TMPRSS15: variants seen among roughly 807,000 people sequenced by gnomAD.
The protein encoded by TMPRSS15 is enteropeptidase.
Under a neutral mutation model 125.3 loss-of-function variants are expected in TMPRSS15, and 128 were observed. That is an observed-to-expected ratio of 1.02 (90% CI 0.89 to 1.18). TMPRSS15 has a LOEUF of 1.18. Ranked by LOEUF, TMPRSS15 falls within the 50% of genes most tolerant of loss-of-function variation. The pLI, the probability that TMPRSS15 is intolerant of heterozygous loss-of-function variation, is 0.00. For synonymous variants in TMPRSS15, 446 were observed against 423.2 expected, an observed-to-expected ratio of 1.05 and a Z score of -0.66; for missense variants, 1,283 against 1,212.7, an observed-to-expected ratio of 1.06 and a Z score of -0.86.
intron 13 of TMPRSS15, among the ~76,000 whole-genome samples, chr21:18,333,094 A>G (rs564074060): frequency 6.6e-6 from 1 of 152,072 alleles, no homozygotes; most frequent in South Asian, 2.1e-4. Context: ...GGCCTTTCGG[A>G]GGGTGGAGAG....
At chr21:18,304,941 G>A (rs2075014210) in intron 18 of TMPRSS15, among the ~76,000 whole-genome samples, 1 of 152,084 alleles carries the variant, frequency 6.6e-6, no homozygotes, top group Non-Finnish European at 1.5e-5. Flanking sequence ...ATATTAAAAA[G>A]TGTAAGCCGA....
intron 1 of TMPRSS15, among the ~76,000 whole-genome samples, chr21:18,455,732 A>C (rs1175721656): frequency 6.6e-6 from 1 of 152,188 alleles, no homozygotes; most frequent in East Asian, 1.9e-4. Context: ...TTAGCTATCA[A>C]CAGTGACAAT....
chr21:18,392,897 T>C (rs991536752), intron 3 of TMPRSS15, among the ~76,000 whole-genome samples: 6 of 152,028 alleles, frequency 3.9e-5, no homozygotes, highest in Non-Finnish European at 5.9e-5. Context: ...TCATCCACTA[T>C]CATAAGAACA....
intron 9 of TMPRSS15, 68 bp from the exon 10 acceptor site, chr21:18,353,120 T>C: frequency 7.2e-7 from 1 of 1,396,384 alleles, no homozygotes; most frequent in South Asian, 1.2e-5. Context: ...TATTAGATTG[T>C]ATTGAAAATA....
At chr21:18,366,739 T>C (rs2075741627) in intron 6 of TMPRSS15, among the ~76,000 whole-genome samples, 1 of 152,128 alleles carries the variant, frequency 6.6e-6, no homozygotes, top group Admixed American at 6.5e-5. Context: ...CTGCATAGAT[T>C]AAAAATTCTT....
chr21:18,278,446 G>A (rs996035921), intron 23 of TMPRSS15, among the ~76,000 whole-genome samples: 5 of 152,012 alleles, frequency 3.3e-5, no homozygotes, highest in East Asian at 1.9e-4. Flanking sequence ...TAGGCTGGGC[G>A]CGGTGGCTCA....
intron 1 of TMPRSS15, among the ~76,000 whole-genome samples, chr21:18,473,799 A>T (rs1273218549): frequency 2.0e-5 from 3 of 152,110 alleles, no homozygotes; most frequent in Non-Finnish European, 4.4e-5. Flanking sequence ...TTCATTATTA[A>T]GTAAGGAGAT....
chr21:18,402,516 A>C (rs2076104570), intron 1 of TMPRSS15, among the ~76,000 whole-genome samples: 1 of 132,498 alleles, frequency 7.5e-6, no homozygotes, highest in Admixed American at 8.5e-5. Flanking sequence ...CGACAGAGCG[A>C]GACTCTATCT....
chr21:18,362,239 C>T (rs776218168), intron 7 of TMPRSS15, among the ~76,000 whole-genome samples: 1 of 152,010 alleles, frequency 6.6e-6, no homozygotes. Flanking sequence ...GCTGGTGAGA[C>T]CTTTAGAGAA....
intron 10 of TMPRSS15, among the ~76,000 whole-genome samples, chr21:18,348,380 C>G (rs997132047): frequency 1.3e-5 from 2 of 152,102 alleles, no homozygotes; most frequent in African/African-American, 4.8e-5. Flanking sequence ...ATGTGCTGAT[C>G]TGATATAGAG....
At chr21:18,448,505 T>C (rs903243458) in intron 1 of TMPRSS15, among the ~76,000 whole-genome samples, 1 of 152,086 alleles carries the variant, frequency 6.6e-6, no homozygotes, top group Admixed American at 6.5e-5. Flanking sequence ...AATCTGACAA[T>C]AGATGAAACA....
intron 22 of TMPRSS15, among the ~76,000 whole-genome samples, chr21:18,279,301 C>A (rs1285416646): frequency 7.2e-6 from 1 of 139,252 alleles, no homozygotes; most frequent in East Asian, 2.0e-4. Flanking sequence ...TTACTAGTCT[C>A]CTCGTTACTC....
At chr21:18,335,719 C>T (rs1011509627) in intron 13 of TMPRSS15, among the ~76,000 whole-genome samples, 2 of 152,160 alleles carry the variant, frequency 1.3e-5, no homozygotes, top group Admixed American at 6.5e-5. Context: ...GGTAAAAACA[C>T]TTTAAGTCAT....
chr21:18,419,598 G>T (rs1782872697), intron 1 of TMPRSS15, among the ~76,000 whole-genome samples: 1 of 152,100 alleles, frequency 6.6e-6, no homozygotes, highest in African/African-American at 2.4e-5. Context: ...CCTGGTGTGT[G>T]TGTATGTCCC....
chr21:18,310,774 G>C (rs1018118002), intron 18 of TMPRSS15, among the ~76,000 whole-genome samples: 1 of 151,852 alleles, frequency 6.6e-6, no homozygotes, highest in Admixed American at 6.6e-5. Context: ...TGAGCAAAAA[G>C]AACAAAACTG....
intron 7 of TMPRSS15, among the ~76,000 whole-genome samples, chr21:18,364,845 A>G (rs1364897405): frequency 6.6e-6 from 1 of 152,190 alleles, no homozygotes; most frequent in Non-Finnish European, 1.5e-5. Context: ...ACAGACATAC[A>G]TGTATGTTGT....
At chr21:18,442,656 C>T (rs1472963647) in intron 1 of TMPRSS15, among the ~76,000 whole-genome samples, 3 of 152,136 alleles carry the variant, frequency 2.0e-5, no homozygotes, top group Non-Finnish European at 2.9e-5. Flanking sequence ...GTTTATCTGG[C>T]TCTCTCAAGG....
At chr21:18,273,384 CAT>C (rs535289387) in intron 24 of TMPRSS15, among the ~76,000 whole-genome samples, 2 of 152,262 alleles carry the variant, frequency 1.3e-5, no homozygotes, top group Admixed American at 1.3e-4. Context: ...TGTTATAAAA[CAT>C]AGTATTAAAG....
intron 18 of TMPRSS15, among the ~76,000 whole-genome samples, chr21:18,307,236 T>C (rs2075047710): frequency 6.6e-6 from 1 of 152,172 alleles, no homozygotes; most frequent in Admixed American, 6.5e-5. Context: ...ACCTAACTCA[T>C]TTACGAAGAA....
Sources: allele counts gnomAD v4.1 joint callset (sites outside exome capture counted in the v4.1 genomes callset), GRCh38; gene constraint gnomAD v4.1.1; transcripts MANE v1.5; gene names NCBI Gene and HGNC (gene_info 2026-07-23, HGNC 2026-07-21).